Variants in CATSPERG observed in about 807,000 individuals in gnomAD.
The protein encoded by CATSPERG is catsper channel auxiliary subunit gamma.
CATSPERG carries 115 observed loss-of-function variants against 145.0 expected under a neutral mutation model. That is an observed-to-expected ratio of 0.79 (90% confidence interval 0.68 to 0.93). The LOEUF is 0.93. Among genes scored for constraint, CATSPERG ranks in the 40% least tolerant of loss-of-function variants. The pLI, the probability that CATSPERG is intolerant of heterozygous loss-of-function variation, is 0.00. For missense variants in CATSPERG, 1,296 were observed against 1,490.1 expected (o/e 0.87, Z 2.14); for synonymous variants, 588 against 589.0 (o/e 1.00, Z 0.02).
chr19:38,343,579 G>GC lies in CATSPERG; in HGVS notation c.327dup (p.Ser110LeufsTer2). ...CACTTGTGGGGCCATCTCACCCTCA[G>GC]CCCTCTGAGGACCTGGTGCGCATGG... On this transcript the variant is annotated frameshift_variant and splice_region_variant. Coordinates refer to ENST00000409235, the MANE Select transcript of CATSPERG (RefSeq NM_021185.5). LOFTEE classifies it high-confidence loss of function. The GC allele has an allele frequency of 6.5e-7, 1 of 1,546,476 alleles. No individual in the cohort carries two copies.
chr19:38,370,655 T>G lies in CATSPERG; in HGVS notation c.3343T>G (p.Tyr1115Asp). 6.2e-7 allele frequency: 1 copy of G among 1,614,120 alleles called. No individual in the cohort carries two copies. The highest frequency in any genetic ancestry group is 2.2e-5 in the East Asian group (1 of 44,874). ...INNLIASESYYTYASISGISS... is the reference protein window; with the variant it reads ...INNLIASESYDTYASISGISS... ...CAACCTCATTGCCTCAGAATCCTACTACACCTACGCCTCCATTTCCGGAAT... is the reference window on the plus strand; with the variant it reads ...CAACCTCATTGCCTCAGAATCCTACGACACCTACGCCTCCATTTCCGGAAT... The change falls in exon 29 of 29, where the codon TAC becomes GAC. Residue 1115 changes from tyrosine to aspartate, a missense_variant. Tyr to Asp is a radical substitution (Grantham distance 160). Transcript: ENST00000409235.
intron 3 of CATSPERG, among the ~76,000 whole-genome samples, chr19:38,338,891 A>T (rs1466710302): frequency 6.6e-6 from 1 of 151,972 alleles, no homozygotes; most frequent in Non-Finnish European, 1.5e-5. Context: ...TTAATTAATT[A>T]ATTTTTGAGA....
chr19:38,363,066 T>A (rs927921679), intron 20 of CATSPERG, among the ~76,000 whole-genome samples: 1 of 151,822 alleles, frequency 6.6e-6, no homozygotes, highest in African/African-American at 2.4e-5. Flanking sequence ...TGAGACGGAG[T>A]CTTGCTCAGT....
intron 11 of CATSPERG, 119 bp downstream of exon 11, chr19:38,356,980 C>A: frequency 7.6e-7 from 1 of 1,323,384 alleles, no homozygotes; most frequent in Non-Finnish European, 1.0e-6. Flanking sequence ...TTACCTGTGT[C>A]ACTCCTGGTT....
intron 20 of CATSPERG, among the ~76,000 whole-genome samples, chr19:38,363,811 CAGA>C (rs1344847240): frequency 2.0e-5 from 3 of 152,210 alleles, no homozygotes; most frequent in Non-Finnish European, 4.4e-5. Context: ...GATCCCAAGG[CAGA>C]AGAATTTTTC....
intron 6 of CATSPERG, among the ~76,000 whole-genome samples, chr19:38,344,893 A>ATT (rs1477161837): frequency 9.4e-6 from 1 of 106,288 alleles, no homozygotes; most frequent in Non-Finnish European, 1.9e-5. Flanking sequence ...ATATATATAT[A>ATT]TATATATATT....
At chr19:38,352,927 G>C (rs1460910642) in intron 8 of CATSPERG, among the ~76,000 whole-genome samples, 1 of 151,202 alleles carries the variant, frequency 6.6e-6, no homozygotes, top group Non-Finnish European at 1.5e-5. Context: ...TCAAGAGGCT[G>C]ACGGGAGGGG....
Position 38,362,578 on chromosome 19 carries a change from T to C in CATSPERG, c.2356+4T>C. 1 of 1,613,054 alleles carries C rather than the reference T, an allele frequency of 6.2e-7. No individual in the cohort carries two copies. Among genetic ancestry groups the C allele is most frequent in the Non-Finnish European group, 8.5e-7 (1 of 1,179,742 alleles). ...TTCCGGACGCAGTCAGAACTCGGTC[T>C]GCGCGGGACCAGAGTGGAGCCCGAA... On this transcript the variant is annotated splice_donor_region_variant and intron_variant, in intron 19 of 28. Transcript: ENST00000409235.
At position 38,368,066 on chromosome 19, in the gene CATSPERG, G is replaced by C. The variant is rs1600487900; in HGVS notation, c.2949G>C (p.Trp983Cys). The C allele has an allele frequency of 1.2e-6, 2 of 1,614,092 alleles. No individual in the cohort carries two copies. Among genetic ancestry groups the C allele is most frequent in the Non-Finnish European group, 1.7e-6 (2 of 1,180,024 alleles). Residue 983 changes from tryptophan to cysteine, a missense_variant, in exon 26 of 29, where the codon TGG becomes TGC. Coordinates refer to ENST00000409235, the MANE Select transcript of CATSPERG (RefSeq NM_021185.5). ...TGCACAGGACCAACAGCCTTATCTG[G>C]ACCACGAGGACCACAAGGACCACCA... ...SPLDKTNSLI[W>C]TTRTTRTTKD...
In CATSPERG at chr19:38,356,776, C is replaced by G. The variant is rs376438467; in HGVS notation, c.1230C>G (p.Ile410Met). 2 of 1,614,126 alleles carry G rather than the reference C, an allele frequency of 1.2e-6. No individual in the cohort carries two copies. ...TTCSIIWSEY[I>M]AGEYTLLLLV... The stretch of plus-strand genomic sequence containing the variant: ...GCTCCATAATTTGGTCTGAATACAT[C>G]GCGGGTGAGTATACTCTACTGCTGC... Residue 410 changes from isoleucine (I) to methionine (M), a missense_variant, in exon 11 of 29, where the codon ATC (isoleucine) becomes ATG (methionine). By Grantham distance (10) the Ile-to-Met change is conservative (BLOSUM62 1). Transcript: ENST00000409235.
intron 3 of CATSPERG, among the ~76,000 whole-genome samples, chr19:38,341,744 A>G (rs969131925): frequency 6.6e-6 from 1 of 151,910 alleles, no homozygotes; most frequent in Admixed American, 6.6e-5. Context: ...TCTACTAAAA[A>G]TGCAAAAATT....
At position 38,370,754 on chromosome 19, in the gene CATSPERG, G is replaced by C; in HGVS notation, c.3442G>C (p.Glu1148Gln). ...FSSRMTEDRA[E>Q]PKEAVERQLM... ...CTCCAGGATGACAGAGGACAGGGCT[G>C]AACCCAAGGAAGCCGTGGAGAGACA... is the stretch of plus-strand genomic sequence containing the variant. Residue 1148 changes from glutamate (E) to glutamine (Q), a missense_variant, in exon 29 of 29, where the codon GAA (glutamate) becomes CAA (glutamine). Glu to Gln is a conservative substitution (Grantham distance 29). Coordinates refer to ENST00000409235, the MANE Select transcript of CATSPERG (RefSeq NM_021185.5). 1 of 1,614,072 alleles carries C rather than the reference G, an allele frequency of 6.2e-7. No individual in the cohort carries two copies. Among genetic ancestry groups the C allele is most frequent in the Non-Finnish European group, 8.5e-7 (1 of 1,180,010 alleles).
intron 1 of CATSPERG, chr19:38,336,742 A>C: frequency 3.9e-6 from 1 of 253,854 alleles, no homozygotes; most frequent in South Asian, 4.2e-5. Flanking sequence ...TCAAAGCGAG[A>C]AATAGAAACC....
chr19:38,337,604 C>CT lies in CATSPERG; in HGVS notation c.284dup (p.Tyr97LeufsTer15). The stretch of plus-strand genomic sequence containing the variant: ...ACCTCTCTTTGCAGAAATACCTGGG[C>CT]TTCCCTTACTACCTGAAGATCAACT... On this transcript the variant is annotated frameshift_variant, in exon 3 of 29. Transcript: ENST00000409235. LOFTEE classifies it high-confidence loss of function. The CT allele has an allele frequency of 6.4e-7, 1 of 1,551,772 alleles. No homozygotes were observed. Among genetic ancestry groups the CT allele is most frequent in the Admixed American group, 2.0e-5 (1 of 51,002 alleles).
At chr19:38,337,671 C>T (rs1378266544) in intron 3 of CATSPERG, 25 bp downstream of exon 3, 1 of 1,545,594 alleles carries the variant, frequency 6.5e-7, no homozygotes, top group Non-Finnish European at 8.8e-7. Context: ...CACGGATAGG[C>T]TCATTCTATG....
rs148778627 is a variant in CATSPERG, at chr19:38,365,076, G to A, written c.2572G>A (p.Gly858Arg). ...SMTVNVVGSS[G>R]LCFQETHLGP... ...CTACCCACAGGTGGTGGGTTCATCC[G>A]GGCTCTGCTTCCAGGAAACACACCT... is the stretch of plus-strand genomic sequence containing the variant. The change falls in exon 22 of 29, where the codon GGG becomes AGG. Residue 858 changes from glycine to arginine, a missense_variant. Transcript: ENST00000409235. 19 of 1,613,752 alleles carry A rather than the reference G, an allele frequency of 1.2e-5. No homozygotes were observed. Among genetic ancestry groups the A allele is most frequent in the East Asian group, 2.2e-5 (1 of 44,882 alleles).
rs1267190870 is a variant in CATSPERG at position 38,360,785 on chromosome 19, G to A, written c.1822G>A (p.Val608Met). The change falls in exon 16 of 29, where the codon GTG (valine) becomes ATG (methionine). Residue 608 changes from valine to methionine, a missense_variant. Physicochemically the swap from Val to Met is conservative, Grantham distance 21. Coordinates refer to ENST00000409235, the MANE Select transcript of CATSPERG (RefSeq NM_021185.5). ...CCAGCTGGTCAAGAGGCTCGTGCCC[G>A]TGGAGCAGCTTCTGATGTATCAACA... ...KGQLVKRLVP[V>M]EQLLMYQQHT... The A allele has an allele frequency of 2.5e-6, 4 of 1,612,442 alleles. No individual in the cohort carries two copies. The highest frequency in any genetic ancestry group is 1.3e-5 in the African/African-American group (1 of 74,910).
intron 27 of CATSPERG, 21 bp downstream of exon 27, chr19:38,370,085 AGGTGCG>A: frequency 6.2e-7 from 1 of 1,613,774 alleles, no homozygotes; most frequent in Non-Finnish European, 8.5e-7. Context: ...CAAGTGGCCC[AGGTGCG>A]GGTCAGGGGC....
intron 14 of CATSPERG, chr19:38,360,216 C>T (rs1970320505): frequency 1.0e-6 from 1 of 985,266 alleles, no homozygotes; most frequent in African/African-American, 1.7e-5. Flanking sequence ...GTTAGAGATG[C>T]TTAGGTCGCA....
Sources: gnomAD v4.1 joint callset for allele counts (sites outside exome capture counted in the v4.1 genomes callset) on GRCh38, gnomAD v4.1.1 for gene constraint, MANE v1.5 for transcripts, NCBI Gene and HGNC (gene_info 2026-07-23, HGNC 2026-07-21) for gene names.